The following NCK1 variants were observed in gnomAD, a reference collection of about 807,000 sequenced individuals.
The protein encoded by NCK1 is NCK adaptor protein 1.
NCK1 carries 19 observed loss-of-function variants against 36.6 expected under a neutral mutation model. That is an observed-to-expected ratio of 0.52 (90% CI 0.36 to 0.76). The LOEUF (loss-of-function observed/expected upper bound fraction) is 0.76. NCK1 is among the 30% of genes least tolerant of loss of function. The pLI is 0.00. For synonymous variants in NCK1, 165 were observed against 156.0 expected (o/e 1.06, Z -0.43); for missense variants, 358 against 445.6 (o/e 0.80, Z 1.77).
chr3:136,907,466 G>GCACC (rs1337194631), intron 1 of NCK1, among the ~76,000 whole-genome samples: 3 of 152,190 alleles, frequency 2.0e-5, no homozygotes, highest in African/African-American at 7.2e-5. Context: ...ACCTCTTTAT[G>GCACC]TTAGACTCAG....
chr3:136,882,510 A>G (rs1278142472), intron 1 of NCK1, among the ~76,000 whole-genome samples: 1 of 152,002 alleles, frequency 6.6e-6, no homozygotes, highest in Non-Finnish European at 1.5e-5. Flanking sequence ...ACTTGGCAGC[A>G]TAATACAATG....
In NCK1 at chr3:136,910,456, AAAGTT is replaced by A. The variant is rs1475964952; in HGVS notation, c.-18-17526_-18-17522del. On this transcript the variant is annotated intron_variant, in intron 1 of 3. Transcript: ENST00000481752. ...TAGAGTAATGTTTTTGTTGTGTAGTAAAGTTATGTTTAAAAAATTACAAACTGAAT... is the reference window on the plus strand; with the variant it reads ...TAGAGTAATGTTTTTGTTGTGTAGTAATGTTTAAAAAATTACAAACTGAAT... Among the ~76,000 whole-genome samples, 7 of 152,320 alleles carry A rather than the reference AAAGTT, an allele frequency of 4.6e-5. No individual in the cohort carries two copies. The East Asian group carries it at 9.6e-4, about 21-fold the overall frequency.
At chr3:136,879,394 A>G (rs956118358) in intron 1 of NCK1, among the ~76,000 whole-genome samples, 4 of 152,188 alleles carry the variant, frequency 2.6e-5, no homozygotes, top group African/African-American at 9.7e-5. Flanking sequence ...TGGAAAAATG[A>G]AAGAAAATAG....
intron 1 of NCK1, among the ~76,000 whole-genome samples, chr3:136,869,547 G>T (rs557226026): frequency 5.5e-4 from 83 of 151,560 alleles, no homozygotes; most frequent in African/African-American, 1.8e-3. Flanking sequence ...TGTCTCAAAA[G>T]AAAAAAAAGA....
intron 1 of NCK1, among the ~76,000 whole-genome samples, chr3:136,887,622 A>G (rs1486335782): frequency 6.6e-6 from 1 of 152,216 alleles, no homozygotes; most frequent in Admixed American, 6.5e-5. Flanking sequence ...AACAGACATA[A>G]CTTCTTTAGC....
intron 1 of NCK1, among the ~76,000 whole-genome samples, chr3:136,911,210 A>C (rs999691071): frequency 1.3e-5 from 2 of 152,226 alleles, no homozygotes; most frequent in African/African-American, 2.4e-5. Context: ...GCTGCAATGA[A>C]CATGGGAATA....
chr3:136,869,886 A>G (rs550843414), intron 1 of NCK1, among the ~76,000 whole-genome samples: 4 of 152,276 alleles, frequency 2.6e-5, no homozygotes, highest in South Asian at 2.1e-4. Context: ...TCTTGTTTCT[A>G]TTCCTGAAAT....
chr3:136,932,504 ATGAAG>A (rs1250553177), intron 2 of NCK1, among the ~76,000 whole-genome samples: 2 of 152,276 alleles, frequency 1.3e-5, no homozygotes, highest in Admixed American at 6.5e-5. Flanking sequence ...TTTCATGTAG[ATGAAG>A]TGAACAGATG....
chr3:136,874,733 G>C (rs971113036), intron 1 of NCK1, among the ~76,000 whole-genome samples: 8 of 150,700 alleles, frequency 5.3e-5, no homozygotes, highest in Non-Finnish European at 1.2e-4. Context: ...TTTGTTTTTT[G>C]TTTAACCTCT....
chr3:136,926,691 T>A (rs1940250327), intron 1 of NCK1, among the ~76,000 whole-genome samples: 1 of 152,214 alleles, frequency 6.6e-6, no homozygotes, highest in African/African-American at 2.4e-5. Flanking sequence ...CTTCTAAGTA[T>A]TTTCAAAATT....
chr3:136,946,733 A>T (rs1940838468), intron 3 of NCK1, among the ~76,000 whole-genome samples: 1 of 152,196 alleles, frequency 6.6e-6, no homozygotes, highest in East Asian at 1.9e-4. Context: ...GAATTTAAAA[A>T]ATTGATATTA....
intron 1 of NCK1, among the ~76,000 whole-genome samples, chr3:136,867,108 CTTT>C (rs1560028477): frequency 0.045 from 1,387 of 30,724 alleles, 125 homozygotes; most frequent in South Asian, 0.059. Context: ...TTCTTTCTTT[CTTT>C]CTTTCTTTGT....
At chr3:136,909,270 A>G (rs979518868) in intron 1 of NCK1, among the ~76,000 whole-genome samples, 12 of 152,210 alleles carry the variant, frequency 7.9e-5, no homozygotes, top group African/African-American at 2.7e-4. Flanking sequence ...ATCTAGGCAA[A>G]TGGTGCAAAG....
intron 1 of NCK1, among the ~76,000 whole-genome samples, chr3:136,895,197 G>A (rs963615378): frequency 8.5e-5 from 13 of 152,078 alleles, no homozygotes; most frequent in African/African-American, 2.7e-4. Flanking sequence ...TTGATAATAG[G>A]GATGTGATAA....
At chr3:136,870,689 A>G (rs1229621306) in intron 1 of NCK1, among the ~76,000 whole-genome samples, 1 of 15,768 alleles carries the variant, frequency 6.3e-5, no homozygotes, top group South Asian at 2.9e-3. Context: ...ATAGTCTTTA[A>G]AAAAAAAAAA....
chr3:136,870,028 G>GTTTT (rs749807329), intron 1 of NCK1, among the ~76,000 whole-genome samples: 2,813 of 95,706 alleles, frequency 0.029, 63 homozygotes, highest in African/African-American at 0.061. Flanking sequence ...TTTCTCAAAA[G>GTTTT]TTTTTTTTTT....
chr3:136,923,873 T>C (rs542829641), intron 1 of NCK1, among the ~76,000 whole-genome samples: 2 of 152,336 alleles, frequency 1.3e-5, no homozygotes, highest in East Asian at 3.9e-4. Flanking sequence ...TGAAAACAAG[T>C]GAGCCTAACT....
At chr3:136,905,971 T>C (rs1320315244) in intron 1 of NCK1, among the ~76,000 whole-genome samples, 1 of 109,232 alleles carries the variant, frequency 9.2e-6, no homozygotes, top group Non-Finnish European at 1.9e-5. Context: ...TTGTGGTCTT[T>C]TGGCGGTGTC....
chr3:136,864,352 G>A (rs1292472618), intron 1 of NCK1, among the ~76,000 whole-genome samples: 1 of 151,706 alleles, frequency 6.6e-6, no homozygotes, highest in South Asian at 2.1e-4. Flanking sequence ...TTATCCGGGC[G>A]TGGTGGCACG....
Sources: gnomAD v4.1 joint callset for allele counts (sites outside exome capture counted in the v4.1 genomes callset) on GRCh38, gnomAD v4.1.1 for gene constraint, MANE v1.5 for transcripts, NCBI Gene and HGNC (gene_info 2026-07-23, HGNC 2026-07-21) for gene names.